ZSWIM5: variants seen among roughly 807,000 people sequenced by gnomAD.
The protein encoded by ZSWIM5 is zinc finger SWIM-type containing 5, also known as zinc finger SWIM domain-containing protein 5.
In ZSWIM5, 55 loss-of-function variants were observed where a neutral mutation model predicts 119.6. The observed-to-expected ratio is 0.46, with a 90% confidence interval of 0.37 to 0.58. The LOEUF is 0.58. ZSWIM5 is among the 20% of genes least tolerant of loss of function. The pLI is 0.00. For synonymous variants in ZSWIM5, 537 were observed against 606.9 expected, an observed-to-expected ratio of 0.88 and a Z score of 1.69; for missense variants, 1,193 against 1,512.8, an observed-to-expected ratio of 0.79 and a Z score of 3.51.
chr1:45,108,353 A>G (rs1484833158), intron 1 of ZSWIM5, among the ~76,000 whole-genome samples: 1 of 152,152 alleles, frequency 6.6e-6, no homozygotes, highest in Non-Finnish European at 1.5e-5. Context: ...GGGGGAGGGG[A>G]AGAATAAAAA....
chr1:45,080,561 T>TGAG (rs1645283845), intron 2 of ZSWIM5, among the ~76,000 whole-genome samples: 1 of 152,196 alleles, frequency 6.6e-6, no homozygotes, highest in Non-Finnish European at 1.5e-5. Flanking sequence ...TCAGTGCCTC[T>TGAG]TTTAGCAATA....
intron 1 of ZSWIM5, among the ~76,000 whole-genome samples, chr1:45,143,110 T>G: frequency 6.8e-6 from 1 of 146,042 alleles, no homozygotes. Flanking sequence ...AGGCAGAGGT[T>G]GCAGTGAGCT....
At chr1:45,050,312 G>A (rs1295490623) in intron 5 of ZSWIM5, among the ~76,000 whole-genome samples, 3 of 152,130 alleles carry the variant, frequency 2.0e-5, no homozygotes, top group Admixed American at 6.5e-5. Context: ...AGCCAAGATC[G>A]CGCCACTGCA....
chr1:45,129,778 C>G (rs1645643925), intron 1 of ZSWIM5, among the ~76,000 whole-genome samples: 1 of 152,004 alleles, frequency 6.6e-6, no homozygotes, highest in Non-Finnish European at 1.5e-5. Flanking sequence ...CAAAAATGAA[C>G]TCAAAATGAA....
At chr1:45,052,805 T>G (rs957301990) in intron 4 of ZSWIM5, among the ~76,000 whole-genome samples, 3 of 151,986 alleles carry the variant, frequency 2.0e-5, no homozygotes, top group Non-Finnish European at 4.4e-5. Flanking sequence ...CAATTCAATT[T>G]TTTAAATGTA....
At chr1:45,193,615 C>CA (rs1453737563) in intron 1 of ZSWIM5, among the ~76,000 whole-genome samples, 1 of 151,966 alleles carries the variant, frequency 6.6e-6, no homozygotes, top group East Asian at 1.9e-4. Context: ...TTTAAGAGAT[C>CA]AATTTTAATT....
At chr1:45,086,021 TA>T (rs1399674151) in intron 2 of ZSWIM5, among the ~76,000 whole-genome samples, 23 of 152,292 alleles carry the variant, frequency 1.5e-4, no homozygotes, top group Middle Eastern at 3.4e-3. Flanking sequence ...AATTTATTTT[TA>T]AAAAAGAGGT....
At chr1:45,078,607 T>C (rs768641470) in intron 2 of ZSWIM5, among the ~76,000 whole-genome samples, 44 of 152,196 alleles carry the variant, frequency 2.9e-4, no homozygotes, top group Non-Finnish European at 5.0e-4. Flanking sequence ...CCACCAGGAC[T>C]GTGCTTGGTC....
At chr1:45,068,097 T>C (rs979652978) in intron 2 of ZSWIM5, among the ~76,000 whole-genome samples, 9 of 122,700 alleles carry the variant, frequency 7.3e-5, no homozygotes, top group South Asian at 5.9e-4. Flanking sequence ...TTTTCTTTTT[T>C]TTTTTTTTTC....
chr1:45,155,713 T>C (rs1324927554), intron 1 of ZSWIM5, among the ~76,000 whole-genome samples: 1 of 152,136 alleles, frequency 6.6e-6, no homozygotes, highest in Non-Finnish European at 1.5e-5. Flanking sequence ...TAAAAAGGAA[T>C]GAATTAATGG....
intron 8 of ZSWIM5, among the ~76,000 whole-genome samples, chr1:45,038,536 AGG>A (rs1311115023): frequency 6.8e-6 from 1 of 146,596 alleles, no homozygotes; most frequent in Admixed American, 7.0e-5. Flanking sequence ...TTTGGACAAG[AGG>A]GGGAAAAAAC....
At chr1:45,111,018 G>A (rs1006220483) in intron 1 of ZSWIM5, among the ~76,000 whole-genome samples, 12 of 152,200 alleles carry the variant, frequency 7.9e-5, no homozygotes, top group African/African-American at 2.7e-4. Flanking sequence ...ATACTAAGAT[G>A]AGAAGGAATG....
intron 5 of ZSWIM5, among the ~76,000 whole-genome samples, chr1:45,049,444 C>G (rs1387151992): frequency 6.6e-6 from 1 of 152,118 alleles, no homozygotes; most frequent in African/African-American, 2.4e-5. Flanking sequence ...TGATATCAAT[C>G]TGAGAAGGCT....
intron 1 of ZSWIM5, among the ~76,000 whole-genome samples, chr1:45,141,816 T>C (rs1439152049): frequency 6.6e-6 from 1 of 152,156 alleles, no homozygotes; most frequent in East Asian, 1.9e-4. Flanking sequence ...TATCATGTAA[T>C]AATAAAAGGG....
At chr1:45,148,750 C>G (rs950205597) in intron 1 of ZSWIM5, among the ~76,000 whole-genome samples, 5 of 152,202 alleles carry the variant, frequency 3.3e-5, no homozygotes, top group African/African-American at 9.6e-5. Context: ...CTAAAAGGAG[C>G]AGACAAAGCT....
intron 1 of ZSWIM5, among the ~76,000 whole-genome samples, chr1:45,122,697 A>AT (rs1464497252): frequency 1.3e-5 from 2 of 152,144 alleles, no homozygotes; most frequent in African/African-American, 4.8e-5. Flanking sequence ...AAACACAGAA[A>AT]AACACAAAAA....
chr1:45,092,540 C>CCA (rs1434028153), intron 1 of ZSWIM5, among the ~76,000 whole-genome samples: 2 of 72,960 alleles, frequency 2.7e-5, no homozygotes, highest in Admixed American at 1.2e-4. Context: ...CGTGATCCAC[C>CCA]CCCCCCCCCC....
rs547744976 is a variant in ZSWIM5 at position 45,196,672 on chromosome 1, G to C, written c.595+9084C>G. Among the ~76,000 whole-genome samples, 3 of 149,834 alleles carry C rather than the reference G, an allele frequency of 2.0e-5. No homozygotes were observed. In the South Asian group the frequency reaches 6.4e-4, roughly 32 times the overall value. On this transcript the variant is annotated intron_variant, in intron 1 of 13. Coordinates refer to ENST00000359600, the MANE Select transcript of ZSWIM5 (RefSeq NM_020883.2). ...CCCAAAGTGCTGGGATTACAGACGT[G>C]AGCCACCACGCCCGGCTGAAGCCCA...
intron 2 of ZSWIM5, among the ~76,000 whole-genome samples, chr1:45,061,528 G>A (rs747987487): frequency 2.0e-5 from 3 of 151,738 alleles, no homozygotes; most frequent in Non-Finnish European, 4.4e-5. Flanking sequence ...GTGCCACCAT[G>A]CCTGGCTAAT....
Sources: allele counts gnomAD v4.1 joint callset (sites outside exome capture counted in the v4.1 genomes callset), GRCh38; gene constraint gnomAD v4.1.1; transcripts MANE v1.5; gene names NCBI Gene and HGNC (gene_info 2026-07-23, HGNC 2026-07-21).